NME7: variants seen among roughly 807,000 people sequenced by gnomAD.
NME7 encodes nucleoside diphosphate kinase 7.
A neutral mutation model predicts 49.1 loss-of-function variants in NME7; 41 were observed. The observed-to-expected ratio is 0.83, with a 90% CI of 0.65 to 1.08. The LOEUF (loss-of-function observed/expected upper bound fraction) is 1.08, where lower values mean the gene tolerates loss of function less well. Ranked by LOEUF, NME7 falls within the 50% of genes least tolerant of loss-of-function variation. The pLI, the probability that NME7 is intolerant of heterozygous loss-of-function variation, is 0.00. For synonymous variants in NME7, 139 were observed against 150.6 expected (o/e 0.92, Z 0.56); for missense variants, 423 against 463.4 (o/e 0.91, Z 0.80).
intron 10 of NME7, among the ~76,000 whole-genome samples, chr1:169,179,351 C>T (rs984300080): frequency 4.6e-5 from 7 of 152,190 alleles, no homozygotes; most frequent in Admixed American, 1.3e-4. Flanking sequence ...TGCTTTTACA[C>T]TGTTGGTGGG....
At chr1:169,216,786 T>C (rs1007899382) in intron 10 of NME7, among the ~76,000 whole-genome samples, 3 of 152,238 alleles carry the variant, frequency 2.0e-5, no homozygotes, top group African/African-American at 7.2e-5. Context: ...TAGTGTCTGT[T>C]GAAGAATCCG....
At chr1:169,292,401 T>C (rs1284524576) in intron 6 of NME7, among the ~76,000 whole-genome samples, 7 of 152,106 alleles carry the variant, frequency 4.6e-5, no homozygotes, top group Non-Finnish European at 1.0e-4. Context: ...CCACATACCA[T>C]GAGAAAATAC....
At chr1:169,143,897 G>A (rs1168125155) in intron 11 of NME7, among the ~76,000 whole-genome samples, 2 of 151,634 alleles carry the variant, frequency 1.3e-5, no homozygotes, top group Non-Finnish European at 2.9e-5. Context: ...TTTTTATTGT[G>A]GACAACTTTG....
Position 169,315,361 on chromosome 1 carries a change from T to C in NME7, c.279-5281A>G, listed in dbSNP as rs560603919. On this transcript the variant is annotated intron_variant, in intron 3 of 11. Transcript: ENST00000367811. ...CTCACTACAACCTCCACCTCCCGGG[T>C]TCAAGCAATTCTCCCACTCAGCCTC... Among the ~76,000 whole-genome samples the C allele has an allele frequency of 2.7e-5, 4 of 150,708 alleles. No homozygotes were observed. The South Asian group carries it at 8.4e-4, about 32-fold the overall frequency.
intron 3 of NME7, among the ~76,000 whole-genome samples, chr1:169,312,097 A>G (rs1333971908): frequency 1.3e-5 from 2 of 152,212 alleles, no homozygotes; most frequent in African/African-American, 4.8e-5. Context: ...AGTGGCGTAA[A>G]ACAACAATTT....
At chr1:169,190,015 TAA>T (rs1356210174) in intron 10 of NME7, among the ~76,000 whole-genome samples, 2 of 152,192 alleles carry the variant, frequency 1.3e-5, no homozygotes, top group Non-Finnish European at 2.9e-5. Flanking sequence ...TGAAATAATA[TAA>T]GTCAAAGTTC....
At chr1:169,146,635 G>T (rs1658763219) in intron 11 of NME7, among the ~76,000 whole-genome samples, 1 of 152,118 alleles carries the variant, frequency 6.6e-6, no homozygotes, top group African/African-American at 2.4e-5. Flanking sequence ...TTTAATAAAT[G>T]TAAAATAAAT....
chr1:169,312,720 C>T (rs998438443), intron 3 of NME7, among the ~76,000 whole-genome samples: 1 of 152,072 alleles, frequency 6.6e-6, no homozygotes, highest in Non-Finnish European at 1.5e-5. Flanking sequence ...TGACTGATTG[C>T]AGTACAATAA....
intron 3 of NME7, among the ~76,000 whole-genome samples, chr1:169,318,764 T>C (rs534173665): frequency 1.2e-4 from 18 of 150,414 alleles, no homozygotes; most frequent in Admixed American, 1.1e-3. Flanking sequence ...CCTGGGAGAG[T>C]ATATAGAATG....
At chr1:169,179,812 C>T (rs1659872440) in intron 10 of NME7, among the ~76,000 whole-genome samples, 1 of 152,080 alleles carries the variant, frequency 6.6e-6, no homozygotes, top group African/African-American at 2.4e-5. Flanking sequence ...TGGGGCCTGT[C>T]AGAGGACCAG....
intron 10 of NME7, among the ~76,000 whole-genome samples, chr1:169,200,127 C>A (rs10919094): frequency 6.7e-6 from 1 of 149,124 alleles, no homozygotes. Context: ...GGCTTATGGT[C>A]TGGACTGGTG....
At chr1:169,293,562 C>A (rs148790038) in intron 6 of NME7, among the ~76,000 whole-genome samples, 192 of 152,228 alleles carry the variant, frequency 1.3e-3, no homozygotes, top group Non-Finnish European at 2.3e-3. Context: ...TACTCCCATG[C>A]TAATACCACA....
At chr1:169,161,163 C>G (rs1231870643) in intron 11 of NME7, among the ~76,000 whole-genome samples, 1 of 152,166 alleles carries the variant, frequency 6.6e-6, no homozygotes, top group Non-Finnish European at 1.5e-5. Flanking sequence ...CTTAATATGA[C>G]TTTACGAGGC....
chr1:169,214,680 C>T (rs757174861), intron 10 of NME7, among the ~76,000 whole-genome samples: 6 of 152,174 alleles, frequency 3.9e-5, no homozygotes, highest in Non-Finnish European at 8.8e-5. Context: ...TTCATGAGAC[C>T]CATGACAGCG....
chr1:169,251,534 G>C (rs12740501), intron 7 of NME7, among the ~76,000 whole-genome samples: 35,735 of 146,108 alleles, frequency 0.24, 5,302 homozygotes, highest in Non-Finnish European at 0.34. Flanking sequence ...TTGTTACCTA[G>C]ATACTCTGGT....
intron 3 of NME7, among the ~76,000 whole-genome samples, chr1:169,320,769 T>C (rs77538715): frequency 0.043 from 6,620 of 152,320 alleles, 211 homozygotes; most frequent in East Asian, 0.12. Context: ...ACATATATTT[T>C]CATTTTCATT....
intron 11 of NME7, among the ~76,000 whole-genome samples, chr1:169,160,984 T>C (rs1659227390): frequency 6.6e-6 from 1 of 152,200 alleles, no homozygotes; most frequent in South Asian, 2.1e-4. Context: ...ACCTAGTCTC[T>C]GTCCCCCTAG....
In NME7 at chr1:169,256,002, A is replaced by T. The variant is rs1440479628; in HGVS notation, c.755-18315T>A. On this transcript the variant is annotated intron_variant, in intron 7 of 11. Coordinates refer to ENST00000367811, the MANE Select transcript of NME7 (RefSeq NM_013330.5). ...CTCTCTGGCTGCCCTTAACATTTTT[A>T]CCTTCATTTCAACTTTGGTGAATCT... is the stretch of plus-strand genomic sequence containing the variant. Among the ~76,000 whole-genome samples, 140 of 132,048 alleles carry T rather than the reference A, an allele frequency of 1.1e-3. 18 individuals carry two copies. Among genetic ancestry groups the T allele is most frequent in the South Asian group, 6.1e-3 (26 of 4,234 alleles). The allele number at this position is 132,048 out of a possible 152,430, so 86.6% of individuals were successfully genotyped here.
chr1:169,162,827 A>C (rs1659290633), intron 11 of NME7, among the ~76,000 whole-genome samples: 2 of 152,314 alleles, frequency 1.3e-5, no homozygotes, highest in African/African-American at 4.8e-5. Context: ...AGACAGGGTG[A>C]GACCTTGTCT....
Sources: allele counts gnomAD v4.1 joint callset (sites outside exome capture counted in the v4.1 genomes callset), GRCh38; gene constraint gnomAD v4.1.1; transcripts MANE v1.5; gene names NCBI Gene and HGNC (gene_info 2026-07-23, HGNC 2026-07-21).